Variants in COL4A1 observed in about 807,000 individuals in gnomAD.
The protein encoded by COL4A1 is collagen type IV alpha 1 chain.
A neutral mutation model predicts 216.6 loss-of-function variants in COL4A1; 40 were observed. That is an observed-to-expected ratio of 0.18 (90% CI 0.14 to 0.24). The LOEUF is 0.24. Among genes scored for constraint, COL4A1 ranks in the 10% least tolerant of loss-of-function variants. The probability of loss-of-function intolerance (pLI) is 1.00; values close to 1 mark genes in which losing one functional copy is unlikely to be tolerated. For synonymous variants in COL4A1, 839 were observed against 810.7 expected (o/e 1.03, Z -0.59); for missense variants, 1,628 against 2,196.8 (o/e 0.74, Z 5.18).
chr13:110,179,152 A>C, intron 30 of COL4A1, 116 bp from the exon 31 acceptor site: 1 of 1,557,178 alleles, frequency 6.4e-7, no homozygotes, highest in Non-Finnish European at 8.9e-7. Flanking sequence ...CTAGGCCTCT[A>C]AGATTTGCAT....
chr13:110,306,388 G>T (rs1453360232), intron 1 of COL4A1, among the ~76,000 whole-genome samples: 1 of 152,214 alleles, frequency 6.6e-6, no homozygotes, highest in Non-Finnish European at 1.5e-5. Context: ...CGCGCCTTAG[G>T]CAGCAGTCGT....
Position 110,198,618 on chromosome 13 carries a change from A to G in COL4A1, c.1134T>C (p.Pro378=). The G allele has an allele frequency of 6.2e-7, 1 of 1,614,072 alleles. No homozygotes were observed. The highest frequency in any genetic ancestry group is 8.5e-7 in the Non-Finnish European group (1 of 1,180,028). The change falls in exon 21 of 52, where the codon CCT becomes CCC. Residue 378 remains proline, a synonymous_variant. Transcript: ENST00000375820. The part of the protein sequence containing the change: ...GQPGPPGLPV[P]GQAGAPGFPG... Reference sequence around the variant, plus strand: ...GGAAGCCAGGGGCACCAGCCTGCCCAGGTACAGGGAGGCCTGCAACCAGAC... The same window carrying G: ...GGAAGCCAGGGGCACCAGCCTGCCCGGGTACAGGGAGGCCTGCAACCAGAC...
Position 110,149,525 on chromosome 13 carries a change from A to G in COL4A1, c.*838T>C, listed in dbSNP as rs143486029. 11 of 152,778 alleles carry G rather than the reference A, an allele frequency of 7.2e-5. No homozygotes were observed. In the East Asian group the frequency reaches 2.1e-3, roughly 29 times the overall value. The allele number at this position is 152,778 out of a possible 1,614,324, so 9.5% of individuals were successfully genotyped here. The stretch of plus-strand genomic sequence containing the variant: ...CATGAACCTGGGTTTGGTTTTGGCA[A>G]CACATAATTTTTGGTTTAGAAGTGA... On this transcript the variant is annotated 3_prime_UTR_variant, in exon 52 of 52. Coordinates refer to ENST00000375820, the MANE Select transcript of COL4A1 (RefSeq NM_001845.6).
At chr13:110,175,495 G>A in intron 36 of COL4A1, 138 bp from the exon 37 acceptor site, 4 of 1,441,818 alleles carry the variant, frequency 2.8e-6, no homozygotes, top group East Asian at 2.5e-5. Context: ...TGAGATACAA[G>A]AATGCACATC....
intron 24 of COL4A1, among the ~76,000 whole-genome samples, chr13:110,189,306 G>A (rs575404459): frequency 3.9e-5 from 6 of 152,226 alleles, no homozygotes; most frequent in African/African-American, 1.2e-4. Flanking sequence ...CAGGTGATCC[G>A]CCCGCCTCGG....
chr13:110,186,302 C>T, intron 26 of COL4A1, 83 bp downstream of exon 26: 1 of 1,570,170 alleles, frequency 6.4e-7, no homozygotes, highest in South Asian at 1.1e-5. Context: ...TATGCGAACC[C>T]CAGGCCTCTG....
At chr13:110,165,064 T>G in intron 45 of COL4A1, 74 bp from the exon 46 acceptor site, 117 of 1,526,750 alleles carry the variant, frequency 7.7e-5, no homozygotes, top group Non-Finnish European at 9.3e-5. Flanking sequence ...AGAAGGAGAA[T>G]CCCGGGTGAA....
chr13:110,196,235 A>G (rs982171659), intron 21 of COL4A1, among the ~76,000 whole-genome samples: 1 of 152,232 alleles, frequency 6.6e-6, no homozygotes, highest in Admixed American at 6.5e-5. Flanking sequence ...AGGAGGCAAG[A>G]AAGCCCAAGT....
At chr13:110,242,434 A>G (rs1190916655) in intron 2 of COL4A1, among the ~76,000 whole-genome samples, 1 of 152,230 alleles carries the variant, frequency 6.6e-6, no homozygotes, top group African/African-American at 2.4e-5. Flanking sequence ...AATAAACCAA[A>G]TATGTTTTTC....
chr13:110,263,668 C>T (rs764397268), intron 1 of COL4A1, among the ~76,000 whole-genome samples: 14 of 152,130 alleles, frequency 9.2e-5, no homozygotes, highest in African/African-American at 1.4e-4. Context: ...ATCTTCTAGA[C>T]GAATGAAAAA....
Position 110,174,617 on chromosome 13 carries a change from A to T in COL4A1, c.3325+6T>A, listed in dbSNP as rs772991894. The T allele has an allele frequency of 6.2e-7, 1 of 1,613,928 alleles. No homozygotes were observed. The highest frequency in any genetic ancestry group is 2.2e-5 in the East Asian group (1 of 44,868). On this transcript the variant is annotated splice_donor_region_variant and intron_variant, in intron 38 of 51. Coordinates refer to ENST00000375820, the MANE Select transcript of COL4A1 (RefSeq NM_001845.6). ...CCCAAGTCCAAGAGAAGCCCCCCTCACCTACCTGGATAGCCAACACTCCCG... is the reference window on the plus strand; with the variant it reads ...CCCAAGTCCAAGAGAAGCCCCCCTCTCCTACCTGGATAGCCAACACTCCCG...
intron 26 of COL4A1, among the ~76,000 whole-genome samples, chr13:110,183,540 A>G (rs147524243): frequency 7.4e-4 from 112 of 152,352 alleles, no homozygotes; most frequent in East Asian, 1.7e-3. Flanking sequence ...AGAGTCCACA[A>G]TTAAGAGTCA....
intron 2 of COL4A1, among the ~76,000 whole-genome samples, chr13:110,230,051 C>T (rs1047623515): frequency 2.0e-5 from 3 of 152,104 alleles, no homozygotes; most frequent in African/African-American, 2.4e-5. Context: ...CCTCCAAAAT[C>T]CCCCACTCAG....
chr13:110,172,100 CA>C (rs1422925990), intron 41 of COL4A1, among the ~76,000 whole-genome samples: 1 of 152,246 alleles, frequency 6.6e-6, no homozygotes, highest in Admixed American at 6.5e-5. Context: ...TGGGATCACT[CA>C]GCCAGCCCAG....
chr13:110,165,695 T>C (rs1489015790), intron 45 of COL4A1, among the ~76,000 whole-genome samples: 2 of 152,104 alleles, frequency 1.3e-5, no homozygotes. Context: ...AATTAAATGA[T>C]GCCCTAGAAG....
intron 1 of COL4A1, among the ~76,000 whole-genome samples, chr13:110,263,362 CAG>C (rs527696634): frequency 2.6e-5 from 4 of 152,230 alleles, no homozygotes; most frequent in Non-Finnish European, 5.9e-5. Context: ...AAGCACAAAA[CAG>C]ATTACTAAGA....
intron 47 of COL4A1, among the ~76,000 whole-genome samples, chr13:110,162,927 C>T (rs1877154081): frequency 2.6e-5 from 4 of 152,216 alleles, no homozygotes; most frequent in Admixed American, 2.0e-4. Flanking sequence ...TAAGGGACCT[C>T]GCAGGCAAGG....
Position 110,231,023 on chromosome 13 carries a change from G to A in COL4A1, c.144+11652C>T, listed in dbSNP as rs138611836. Among the ~76,000 whole-genome samples, 31 of 152,302 alleles carry A rather than the reference G, an allele frequency of 2.0e-4. 1 individual carries two copies. In the East Asian group the frequency reaches 5.4e-3, roughly 27 times the overall value. Reference sequence around the variant, plus strand: ...CAGCCCCGTCAGGATGATTAATGACGTTGCATCCATAAAACTCCAAGAACC... The same window carrying A: ...CAGCCCCGTCAGGATGATTAATGACATTGCATCCATAAAACTCCAAGAACC... On this transcript the variant is annotated intron_variant, in intron 2 of 51. Transcript: ENST00000375820.
chr13:110,296,760 C>T (rs1047091681), intron 1 of COL4A1, among the ~76,000 whole-genome samples: 4 of 152,256 alleles, frequency 2.6e-5, no homozygotes, highest in Admixed American at 2.6e-4. Flanking sequence ...AAATTGTCAC[C>T]TATTCTTCTG....
Sources: gnomAD v4.1 joint callset for allele counts (sites outside exome capture counted in the v4.1 genomes callset) on GRCh38, gnomAD v4.1.1 for gene constraint, MANE v1.5 for transcripts, NCBI Gene and HGNC (gene_info 2026-07-23, HGNC 2026-07-21) for gene names.